Variants in RBFOX1 observed in about 807,000 individuals in gnomAD.
The protein encoded by RBFOX1 is RNA binding protein fox-1 homolog 1.
Under a neutral mutation model 57.7 loss-of-function variants are expected in RBFOX1, and 8 were observed. That is an observed-to-expected ratio of 0.14 (90% CI 0.08 to 0.25). The LOEUF (loss-of-function observed/expected upper bound fraction) is 0.25, where lower values mean the gene tolerates loss of function less well. Among genes scored for constraint, RBFOX1 ranks in the 10% least tolerant of loss-of-function variants. The pLI, the probability that RBFOX1 is intolerant of heterozygous loss-of-function variation, is 1.00. For missense variants in RBFOX1, 611 were observed against 548.5 expected, an observed-to-expected ratio of 1.11 and a Z score of -1.14; for synonymous variants, 326 against 222.4, an observed-to-expected ratio of 1.47 and a Z score of -4.15.
At chr16:5,928,167 C>T (rs2058974614) in intron 4 of RBFOX1, among the ~76,000 whole-genome samples, 1 of 152,000 alleles carries the variant, frequency 6.6e-6, no homozygotes. Context: ...GATCACAGCT[C>T]ACTGTAGCCT....
chr16:5,474,413 G>A (rs965551708), intron 2 of RBFOX1, among the ~76,000 whole-genome samples: 4 of 152,190 alleles, frequency 2.6e-5, no homozygotes, highest in African/African-American at 9.7e-5. Context: ...CAGCACTTTG[G>A]GAGGCCGAGG....
At chr16:5,392,751 G>T (rs1596816809) in intron 1 of RBFOX1, among the ~76,000 whole-genome samples, 2 of 152,028 alleles carry the variant, frequency 1.3e-5, no homozygotes, top group South Asian at 4.2e-4. Flanking sequence ...GCTCATCTAG[G>T]CAAGTAAAGC....
At chr16:7,602,727 C>G (rs967676616) in intron 9 of RBFOX1, among the ~76,000 whole-genome samples, 1 of 152,130 alleles carries the variant, frequency 6.6e-6, no homozygotes, top group South Asian at 2.1e-4. Context: ...GGATTCTAGA[C>G]CAAATGGACA....
intron 10 of RBFOX1, among the ~76,000 whole-genome samples, chr16:7,609,524 G>A (rs1318417955): frequency 6.6e-6 from 1 of 152,122 alleles, no homozygotes; most frequent in Non-Finnish European, 1.5e-5. Context: ...CCAGGGCCCA[G>A]GTTCAGAAGT....
rs140558992 is a variant in RBFOX1 at position 7,662,128 on chromosome 16, C to A, written c.891-2801C>A. Among the ~76,000 whole-genome samples the A allele has an allele frequency of 5.9e-4, 90 of 152,280 alleles. 1 individual carries two copies. In the East Asian group the frequency reaches 0.017, roughly 28 times the overall value. Reference sequence around the variant, plus strand: ...CATGCCATGTGCCCCGTTGGAACAGCCTCCAAGGCCTGGGATCAATTCTTC... The same window carrying A: ...CATGCCATGTGCCCCGTTGGAACAGACTCCAAGGCCTGGGATCAATTCTTC... On this transcript the variant is annotated intron_variant, in intron 12 of 15. Coordinates refer to ENST00000550418, the MANE Select transcript of RBFOX1 (RefSeq NM_018723.4).
At chr16:6,201,897 T>C (rs2097217812) in intron 1 of RBFOX1, among the ~76,000 whole-genome samples, 2 of 152,240 alleles carry the variant, frequency 1.3e-5, no homozygotes, top group South Asian at 2.1e-4. Flanking sequence ...AAAACAAGCA[T>C]TATGGAATTG....
At chr16:7,466,706 C>T (rs142966730) in intron 4 of RBFOX1, among the ~76,000 whole-genome samples, 1 of 152,330 alleles carries the variant, frequency 6.6e-6, no homozygotes, top group Non-Finnish European at 1.5e-5. Context: ...CGCTTACCTG[C>T]ATGAATTATT....
At chr16:6,743,101 A>G (rs982504330) in intron 3 of RBFOX1, among the ~76,000 whole-genome samples, 8 of 152,218 alleles carry the variant, frequency 5.3e-5, no homozygotes, top group African/African-American at 1.9e-4. Flanking sequence ...TGTATTTGTA[A>G]TATTTTCAAA....
chr16:6,204,515 T>A (rs1261070770), intron 1 of RBFOX1, among the ~76,000 whole-genome samples: 1 of 152,172 alleles, frequency 6.6e-6, no homozygotes, highest in Non-Finnish European at 1.5e-5. Flanking sequence ...TAGACTGAAT[T>A]ATTGTTTAAC....
At chr16:6,575,576 G>T (rs2097421131) in intron 2 of RBFOX1, among the ~76,000 whole-genome samples, 1 of 152,030 alleles carries the variant, frequency 6.6e-6, no homozygotes, top group Non-Finnish European at 1.5e-5. Context: ...ATTAATAAAG[G>T]GCTAGGCACG....
chr16:5,887,390 T>G (rs187110187), intron 4 of RBFOX1, among the ~76,000 whole-genome samples: 151 of 152,248 alleles, frequency 9.9e-4, no homozygotes, highest in Non-Finnish European at 1.7e-3. Flanking sequence ...TGTATTTCTC[T>G]CTCCTGTGTT....
At chr16:7,417,833 T>C (rs1233123043) in intron 4 of RBFOX1, among the ~76,000 whole-genome samples, 5 of 152,202 alleles carry the variant, frequency 3.3e-5, no homozygotes, top group African/African-American at 9.6e-5. Flanking sequence ...CACACAGAGC[T>C]TGATTGTCTA....
At chr16:7,202,257 A>G (rs2088741845) in intron 4 of RBFOX1, among the ~76,000 whole-genome samples, 1 of 151,820 alleles carries the variant, frequency 6.6e-6, no homozygotes. Context: ...AATAAAAATT[A>G]CAATGAGATA....
intron 1 of RBFOX1, among the ~76,000 whole-genome samples, chr16:6,214,813 GA>G (rs1441494942): frequency 5.5e-5 from 5 of 90,690 alleles, no homozygotes; most frequent in Non-Finnish European, 9.4e-5. Flanking sequence ...GGGACAGGGA[GA>G]GGGGGAGAGG....
chr16:6,552,350 A>G (rs1283995902), intron 2 of RBFOX1, among the ~76,000 whole-genome samples: 1 of 152,194 alleles, frequency 6.6e-6, no homozygotes, highest in African/African-American at 2.4e-5. Flanking sequence ...GGGGACTGAA[A>G]GACTCAGGGT....
Position 6,698,482 on chromosome 16 carries a change from C to T in RBFOX1, c.-16+43832C>T, listed in dbSNP as rs2061369473. ...AAATCAATCCTGTCATTATCTCTTC[C>T]TGGGCTGGGCCCTGTCTTTCCCCAT... On this transcript the variant is annotated intron_variant, in intron 3 of 15. Transcript: ENST00000550418. Among the ~76,000 whole-genome samples, 3 of 152,182 alleles carry T rather than the reference C, an allele frequency of 2.0e-5. No homozygotes were observed. The South Asian group carries it at 6.2e-4, about 31-fold the overall frequency.
chr16:6,793,122 C>T (rs1208997207), intron 3 of RBFOX1, among the ~76,000 whole-genome samples: 3 of 151,936 alleles, frequency 2.0e-5, no homozygotes, highest in African/African-American at 7.3e-5. Context: ...GGTACGCCTG[C>T]TGTCACCAGA....
intron 3 of RBFOX1, among the ~76,000 whole-genome samples, chr16:6,892,175 C>T (rs976403919): frequency 3.3e-5 from 5 of 152,138 alleles, no homozygotes; most frequent in Non-Finnish European, 5.9e-5. Flanking sequence ...CTTCCCTTGG[C>T]GATTTTATGC....
Position 7,163,352 on chromosome 16 carries a change from C to T in RBFOX1, c.27+111254C>T, listed in dbSNP as rs191432898. On this transcript the variant is annotated intron_variant, in intron 4 of 15. Coordinates refer to ENST00000550418, the MANE Select transcript of RBFOX1 (RefSeq NM_018723.4). ...ACCTTATCAATCCAGAGCAAAGAGGCATGTGAGGAGATTTTGCTTTGGAAA... is the reference window on the plus strand; with the variant it reads ...ACCTTATCAATCCAGAGCAAAGAGGTATGTGAGGAGATTTTGCTTTGGAAA... Among the ~76,000 whole-genome samples the T allele has an allele frequency of 1.8e-3, 274 of 152,226 alleles. 1 individual carries two copies. The highest frequency in any genetic ancestry group is 0.017 in the Admixed American group (256 of 15,278).
Sources: gnomAD v4.1 joint callset for allele counts (sites outside exome capture counted in the v4.1 genomes callset) on GRCh38, gnomAD v4.1.1 for gene constraint, MANE v1.5 for transcripts, NCBI Gene and HGNC (gene_info 2026-07-23, HGNC 2026-07-21) for gene names.